Variants in AKAP13 observed in about 807,000 individuals in gnomAD.
The protein encoded by AKAP13 is A-kinase anchoring protein 13, also known as A-kinase anchor protein 13.
A neutral mutation model predicts 264.5 loss-of-function variants in AKAP13; 80 were observed. The ratio of observed to expected loss-of-function variants is 0.30; its 90% CI spans 0.25 to 0.36. The LOEUF (loss-of-function observed/expected upper bound fraction) is 0.36. AKAP13 is among the 10% of genes least tolerant of loss of function. The pLI, the probability that AKAP13 is intolerant of heterozygous loss-of-function variation, is 1.00. For missense variants in AKAP13, 3,712 were observed against 3,435.2 expected (o/e 1.08, Z -2.01); for synonymous variants, 1,380 against 1,250.2 (o/e 1.10, Z -2.19).
chr15:85,457,216 T>C (rs2074311640), intron 1 of AKAP13, among the ~76,000 whole-genome samples: 1 of 152,196 alleles, frequency 6.6e-6, no homozygotes, highest in Non-Finnish European at 1.5e-5. Flanking sequence ...AATTCTAGTG[T>C]AGGTCTGTTT....
intron 8 of AKAP13, among the ~76,000 whole-genome samples, chr15:85,609,149 G>A (rs181355877): frequency 2.0e-5 from 3 of 152,008 alleles, no homozygotes; most frequent in Admixed American, 6.5e-5. Context: ...CTCTCTTCCC[G>A]CTAGTTTGAA....
intron 13 of AKAP13, among the ~76,000 whole-genome samples, chr15:85,666,824 A>G (rs2083631230): frequency 6.6e-6 from 1 of 152,184 alleles, no homozygotes; most frequent in Non-Finnish European, 1.5e-5. Flanking sequence ...AATCAAAGTG[A>G]CTTCTTAGTT....
At chr15:85,643,737 C>T (rs1028830860) in intron 9 of AKAP13, among the ~76,000 whole-genome samples, 3 of 152,234 alleles carry the variant, frequency 2.0e-5, no homozygotes, top group Admixed American at 6.5e-5. Context: ...CTCACACTCA[C>T]TGGTCTTTGC....
intron 35 of AKAP13, 135 bp downstream of exon 35, chr15:85,741,630 C>T (rs1597243491): frequency 1.5e-6 from 2 of 1,333,768 alleles, no homozygotes; most frequent in Non-Finnish European, 1.9e-6. Context: ...GATCCCAGCA[C>T]TTTAGGAGGC....
intron 1 of AKAP13, among the ~76,000 whole-genome samples, chr15:85,433,867 G>A (rs1332588823): frequency 6.6e-6 from 1 of 152,102 alleles, no homozygotes; most frequent in Non-Finnish European, 1.5e-5. Context: ...CTTGAACCCG[G>A]GAGTTGGAGG....
chr15:85,740,508 C>T (rs1387241703), intron 34 of AKAP13: 3 of 516,890 alleles, frequency 5.8e-6, no homozygotes, highest in Non-Finnish European at 6.9e-6. Context: ...TGCTACAAAT[C>T]ACATAGCATG....
chr15:85,744,911 T>A lies in AKAP13; in HGVS notation c.*234T>A. ...TTTGTGACTGCCCAGGACTCTCAGG[T>A]TGGGCTGGCCCTACTCAGGATTACA... On this transcript the variant is annotated 3_prime_UTR_variant, in exon 37 of 37. Coordinates refer to ENST00000394518, the MANE Select transcript of AKAP13 (RefSeq NM_007200.5). 1 of 463,494 alleles carries A rather than the reference T, an allele frequency of 2.2e-6. No individual in the cohort carries two copies. The allele number at this position is 463,494 out of a possible 1,614,324, so 28.7% of individuals were successfully genotyped here. A position where few individuals can be genotyped will look rare whatever the true frequency, so the allele number is the denominator to read the frequency against.
chr15:85,391,610 C>T (rs1596019260), intron 1 of AKAP13, among the ~76,000 whole-genome samples: 1 of 150,594 alleles, frequency 6.6e-6, no homozygotes, highest in East Asian at 2.0e-4. Flanking sequence ...TTAGCCTCCC[C>T]AGCAGCTGGG....
rs569159386 is a variant in AKAP13 at position 85,478,333 on chromosome 15, ACT to A, written c.-11-7373_-11-7372del. On this transcript the variant is annotated intron_variant, in intron 1 of 36. Coordinates refer to ENST00000394518, the MANE Select transcript of AKAP13 (RefSeq NM_007200.5). ...CTAAACACGGAAAAGATTATAGTGT[ACT>A]CTCCTACACAACTTTCAAATAAACT... 1.8e-4 allele frequency among the ~76,000 whole-genome samples: 24 copies of A among 135,572 alleles called. No individual in the cohort carries two copies. In the East Asian group the frequency reaches 4.5e-3, roughly 26 times the overall value. 88.9% of individuals were successfully genotyped at this position (135,572 alleles called of 152,430 possible).
At chr15:85,632,725 T>C (rs1185587345) in intron 8 of AKAP13, among the ~76,000 whole-genome samples, 1 of 152,232 alleles carries the variant, frequency 6.6e-6, no homozygotes, top group Non-Finnish European at 1.5e-5. Context: ...ACTCACTTTA[T>C]GTAACACATG....
chr15:85,726,930 T>C, intron 27 of AKAP13, 136 bp from the exon 28 acceptor site: 3 of 887,384 alleles, frequency 3.4e-6, no homozygotes, highest in Non-Finnish European at 3.4e-6. Context: ...GATACTTCTC[T>C]TTATCCTAAA....
At chr15:85,381,300 G>C (rs1409986226) in intron 1 of AKAP13, among the ~76,000 whole-genome samples, 5 of 151,906 alleles carry the variant, frequency 3.3e-5, no homozygotes. Context: ...GGGTCGACGC[G>C]GACGGTAAAC....
chr15:85,633,734 C>T (rs943792534), intron 8 of AKAP13, among the ~76,000 whole-genome samples: 11 of 151,416 alleles, frequency 7.3e-5, no homozygotes, highest in South Asian at 2.1e-4. Context: ...TTAGTAGAGA[C>T]GGGGTTTCAC....
intron 1 of AKAP13, among the ~76,000 whole-genome samples, chr15:85,391,710 C>G (rs537727398): frequency 1.3e-5 from 2 of 152,048 alleles, no homozygotes; most frequent in Admixed American, 1.3e-4. Flanking sequence ...TTCCTGAACT[C>G]TTAGACTCAA....
At chr15:85,472,125 C>T (rs907546104) in intron 1 of AKAP13, among the ~76,000 whole-genome samples, 1 of 151,548 alleles carries the variant, frequency 6.6e-6, no homozygotes, top group Non-Finnish European at 1.5e-5. Context: ...GAAATTTCAA[C>T]TTGTAATTGT....
rs369112973 is a variant in AKAP13, at chr15:85,744,686, C to T, written c.*9C>T. 1.3e-5 allele frequency: 20 copies of T among 1,599,214 alleles called. No homozygotes were observed. Among genetic ancestry groups the T allele is most frequent in the Non-Finnish European group, 1.7e-5 (20 of 1,173,304 alleles). ...AAGAGATCTTCTGCTGACCCTCTTC[C>T]TCTCTGCTGAGGCAGCTGCCTCCTG... On this transcript the variant is annotated 3_prime_UTR_variant, in exon 37 of 37. Transcript: ENST00000394518.
intron 16 of AKAP13, among the ~76,000 whole-genome samples, chr15:85,688,885 G>GCAGGAAACAGCAC (rs1567196632): frequency 6.6e-6 from 1 of 152,174 alleles, no homozygotes; most frequent in Non-Finnish European, 1.5e-5. Flanking sequence ...TTTTGTCTTA[G>GCAGGAAACAGCAC]TATCTTTGAG....
At chr15:85,719,533 A>G (rs2087150506) in intron 23 of AKAP13, among the ~76,000 whole-genome samples, 1 of 152,196 alleles carries the variant, frequency 6.6e-6, no homozygotes. Flanking sequence ...TTGGAAAGTT[A>G]AAGGGAGGGT....
chr15:85,692,455 G>A (rs1567198165), intron 16 of AKAP13, among the ~76,000 whole-genome samples: 1 of 152,036 alleles, frequency 6.6e-6, no homozygotes, highest in South Asian at 2.1e-4. Flanking sequence ...AATTTACCTA[G>A]GGTCACGCTA....
Sources: gnomAD v4.1 joint callset for allele counts (sites outside exome capture counted in the v4.1 genomes callset) on GRCh38, gnomAD v4.1.1 for gene constraint, MANE v1.5 for transcripts, NCBI Gene and HGNC (gene_info 2026-07-23, HGNC 2026-07-21) for gene names.